The following AFG2A variants were observed in gnomAD, a reference collection of about 807,000 sequenced individuals.
The protein encoded by AFG2A is ATPase family gene 2 protein homolog A.
At chr4:123,138,124 G>T in the AFG2A span, among the ~76,000 whole-genome samples, 1 of 152,102 alleles carries the variant, frequency 6.6e-6, no homozygotes, top group African/African-American at 2.4e-5. Context: ...TCAGCCTATA[G>T]TGTGCAATTA....
At chr4:123,146,734 C>G in the AFG2A span, among the ~76,000 whole-genome samples, 1 of 152,066 alleles carries the variant, frequency 6.6e-6, no homozygotes, top group Non-Finnish European at 1.5e-5. Context: ...TCACTTTAAC[C>G]AAGCCTCCAA....
At chr4:122,961,523 A>T in the AFG2A span, among the ~76,000 whole-genome samples, 1 of 152,166 alleles carries the variant, frequency 6.6e-6, no homozygotes. Context: ...TTTCTTTTTG[A>T]GACGGAGTCT....
the AFG2A span, among the ~76,000 whole-genome samples, chr4:122,980,008 G>T: frequency 6.6e-6 from 1 of 152,202 alleles, no homozygotes; most frequent in African/African-American, 2.4e-5. Flanking sequence ...TTACTTGTGT[G>T]TATGTGTTTA....
chr4:123,312,802 T>C, the AFG2A span, among the ~76,000 whole-genome samples: 2 of 152,206 alleles, frequency 1.3e-5, no homozygotes, highest in Non-Finnish European at 2.9e-5. Context: ...CATCTAAATC[T>C]ATGCATGTTT....
chr4:123,271,414 A>G, the AFG2A span, among the ~76,000 whole-genome samples: 1 of 152,086 alleles, frequency 6.6e-6, no homozygotes, highest in African/African-American at 2.4e-5. Context: ...TTTTAATTAG[A>G]TGAGGATCAT....
the AFG2A span, among the ~76,000 whole-genome samples, chr4:123,231,216 C>T: frequency 6.6e-6 from 1 of 152,044 alleles, no homozygotes; most frequent in South Asian, 2.1e-4. Flanking sequence ...GTTTCATCTA[C>T]ATTGAATATC....
chr4:123,303,175 G>A, the AFG2A span, among the ~76,000 whole-genome samples: 9 of 152,022 alleles, frequency 5.9e-5, no homozygotes, highest in African/African-American at 1.7e-4. Context: ...AATCCCCATA[G>A]ATGCAAATGC....
the AFG2A span, among the ~76,000 whole-genome samples, chr4:123,067,934 A>G: frequency 1.3e-5 from 2 of 152,194 alleles, no homozygotes; most frequent in East Asian, 1.9e-4. Flanking sequence ...CTGTGCCTAT[A>G]GTTTGCCTAC....
the AFG2A span, among the ~76,000 whole-genome samples, chr4:123,234,820 G>A: frequency 3.3e-5 from 5 of 152,010 alleles, no homozygotes; most frequent in African/African-American, 9.6e-5. Context: ...TTCAATTCTG[G>A]CTCCCCACCA....
At chr4:122,935,990 T>G in the AFG2A span, 1 of 1,300,794 alleles carries the variant, frequency 7.7e-7, no homozygotes, top group Non-Finnish European at 1.0e-6. Flanking sequence ...AAATTCTTTT[T>G]GAAAGTAATT....
the AFG2A span, chr4:123,090,612 T>A: frequency 1.4e-5 from 22 of 1,614,142 alleles, no homozygotes; most frequent in Non-Finnish European, 1.9e-5. Flanking sequence ...CCGATCGTGT[T>A]TTGGCTCAGC....
chr4:123,167,112 C>T, the AFG2A span, among the ~76,000 whole-genome samples: 1 of 151,008 alleles, frequency 6.6e-6, no homozygotes, highest in African/African-American at 2.4e-5. Flanking sequence ...AATAGGAACT[C>T]ATAATAAGAT....
At chr4:123,231,731 G>A in the AFG2A span, among the ~76,000 whole-genome samples, 1 of 151,868 alleles carries the variant, frequency 6.6e-6, no homozygotes, top group Non-Finnish European at 1.5e-5. Context: ...GAGAGATGTG[G>A]GACTCTTCCT....
At chr4:122,930,157 C>T in the AFG2A span, among the ~76,000 whole-genome samples, 1 of 152,142 alleles carries the variant, frequency 6.6e-6, no homozygotes, top group Non-Finnish European at 1.5e-5. Context: ...TAAAACAAAC[C>T]GTCATTACTA....
the AFG2A span, among the ~76,000 whole-genome samples, chr4:123,157,665 A>G: frequency 2.0e-5 from 3 of 152,316 alleles, no homozygotes; most frequent in South Asian, 6.2e-4. Flanking sequence ...ATGGCAGTAG[A>G]CAAGTAACAG....
chr4:123,023,849 C>T, the AFG2A span, among the ~76,000 whole-genome samples: 8 of 151,914 alleles, frequency 5.3e-5, no homozygotes, highest in African/African-American at 1.7e-4. Context: ...CTTGAACAGG[C>T]GCCGAGTTGT....
At chr4:123,021,397 G>A in the AFG2A span, among the ~76,000 whole-genome samples, 1 of 151,532 alleles carries the variant, frequency 6.6e-6, no homozygotes, top group African/African-American at 2.4e-5. Flanking sequence ...GCTCACTGTT[G>A]CCATCTGAGA....
At chr4:123,130,033 G>A in the AFG2A span, among the ~76,000 whole-genome samples, 2 of 151,974 alleles carry the variant, frequency 1.3e-5, no homozygotes, top group African/African-American at 4.8e-5. Flanking sequence ...TTTTGAGGTA[G>A]GGTCTTACTC....
the AFG2A span, among the ~76,000 whole-genome samples, chr4:123,023,041 TG>T: frequency 3.2e-3 from 100 of 31,062 alleles, 1 homozygote; most frequent in African/African-American, 0.012. Flanking sequence ...GTTGTGGGGT[TG>T]GGGGAGGGGG....
Sources: gnomAD v4.1 joint callset for allele counts (sites outside exome capture counted in the v4.1 genomes callset) on GRCh38, gnomAD v4.1.1 for gene constraint, MANE v1.5 for transcripts, NCBI Gene and HGNC (gene_info 2026-07-23, HGNC 2026-07-21) for gene names.